Variants in NKAIN3 observed in about 807,000 individuals in gnomAD.
The protein encoded by NKAIN3 is sodium/potassium-transporting ATPase subunit beta-1-interacting protein 3.
In NKAIN3, 25 loss-of-function variants were observed where a neutral mutation model predicts 30.2. The ratio of observed to expected loss-of-function variants is 0.83; its 90% confidence interval spans 0.60 to 1.16. The LOEUF is 1.16. Ranked by LOEUF, NKAIN3 falls within the 50% of genes most tolerant of loss-of-function variation. The probability of loss-of-function intolerance (pLI) is 0.00; values close to 1 mark genes in which losing one functional copy is unlikely to be tolerated. For missense variants in NKAIN3, 225 were observed against 254.1 expected (o/e 0.89, Z 0.78); for synonymous variants, 91 against 89.6 (o/e 1.02, Z -0.09).
intron 4 of NKAIN3, among the ~76,000 whole-genome samples, chr8:62,912,109 G>T (rs1323700055): frequency 6.6e-6 from 1 of 152,140 alleles, no homozygotes; most frequent in African/African-American, 2.4e-5. Context: ...AACCTCTATA[G>T]CACTGTTACT....
intron 4 of NKAIN3, among the ~76,000 whole-genome samples, chr8:62,823,198 A>T (rs529463433): frequency 6.6e-6 from 1 of 152,276 alleles, no homozygotes; most frequent in African/African-American, 2.4e-5. Flanking sequence ...TAAAACAATA[A>T]GTAATTATAC....
intron 2 of NKAIN3, among the ~76,000 whole-genome samples, chr8:62,588,614 A>G (rs772610476): frequency 3.3e-5 from 5 of 151,850 alleles, no homozygotes; most frequent in Non-Finnish European, 7.4e-5. Context: ...TATTACACAG[A>G]GTCTAAATTT....
chr8:62,344,046 A>G (rs1815841316), intron 1 of NKAIN3, among the ~76,000 whole-genome samples: 1 of 152,060 alleles, frequency 6.6e-6, no homozygotes, highest in Non-Finnish European at 1.5e-5. Flanking sequence ...AAGGCATTTC[A>G]TCTTGACATG....
At chr8:62,514,868 A>T (rs1807932793) in intron 1 of NKAIN3, among the ~76,000 whole-genome samples, 1 of 152,164 alleles carries the variant, frequency 6.6e-6, no homozygotes, top group South Asian at 2.1e-4. Flanking sequence ...CACATCTTTG[A>T]AAACAATTCC....
At chr8:62,880,967 C>A (rs553413963) in intron 4 of NKAIN3, among the ~76,000 whole-genome samples, 91 of 152,280 alleles carry the variant, frequency 6.0e-4, no homozygotes, top group African/African-American at 2.1e-3. Flanking sequence ...TATCCCATAC[C>A]AAGGGGTTTA....
At chr8:62,423,371 C>A (rs1711948649) in intron 1 of NKAIN3, among the ~76,000 whole-genome samples, 2 of 151,004 alleles carry the variant, frequency 1.3e-5, no homozygotes, top group African/African-American at 4.8e-5. Flanking sequence ...TCATCTCCAG[C>A]AGCATGTGCC....
intron 3 of NKAIN3, among the ~76,000 whole-genome samples, chr8:62,689,832 AC>A (rs952129953): frequency 1.3e-5 from 2 of 152,072 alleles, no homozygotes; most frequent in Non-Finnish European, 2.9e-5. Flanking sequence ...AAAGAAATTG[AC>A]AAAGTCTCAG....
At chr8:62,786,153 A>G (rs956195503) in intron 4 of NKAIN3, among the ~76,000 whole-genome samples, 1 of 152,172 alleles carries the variant, frequency 6.6e-6, no homozygotes, top group Non-Finnish European at 1.5e-5. Context: ...CTACAAATGT[A>G]CATATAAAAA....
At chr8:62,640,312 A>G (rs368469308) in intron 3 of NKAIN3, among the ~76,000 whole-genome samples, 1 of 152,052 alleles carries the variant, frequency 6.6e-6, no homozygotes, top group African/African-American at 2.4e-5. Context: ...GTGAGTTCTC[A>G]TGAGATCTGA....
At position 62,553,901 on chromosome 8, in the gene NKAIN3, T is replaced by C. The variant is rs148500196; in HGVS notation, c.55-25638T>C. On this transcript the variant is annotated intron_variant, in intron 1 of 6. Coordinates refer to ENST00000623646, the MANE Select transcript of NKAIN3 (RefSeq NM_001304533.3). ...AATTTAATGATGGAAACTCAGACTT[T>C]AATCACTATTATAGGAGAGGATTTC... Among the ~76,000 whole-genome samples the C allele has an allele frequency of 2.0e-5, 3 of 152,302 alleles. No individual in the cohort carries two copies. The East Asian group carries it at 5.8e-4, about 29-fold the overall frequency.
intron 4 of NKAIN3, among the ~76,000 whole-genome samples, chr8:62,891,616 G>C (rs1467704952): frequency 1.3e-5 from 2 of 152,060 alleles, no homozygotes; most frequent in Non-Finnish European, 2.9e-5. Flanking sequence ...GAAAAATCGA[G>C]CCAGCTTGAC....
At chr8:62,720,345 C>G in intron 3 of NKAIN3, among the ~76,000 whole-genome samples, 1 of 152,154 alleles carries the variant, frequency 6.6e-6, no homozygotes, top group South Asian at 2.1e-4. Context: ...AATAAATATG[C>G]ATTGTGTGTG....
At position 62,595,109 on chromosome 8, in the gene NKAIN3, T is replaced by C. The variant is rs536510360; in HGVS notation, c.273+5315T>C. 3.9e-5 allele frequency among the ~76,000 whole-genome samples: 6 copies of C among 152,124 alleles called. No homozygotes were observed. The East Asian group carries it at 7.8e-4, about 20-fold the overall frequency. ...GATAATACTATAGAGAAAATTGACATACTGACTTTTTAAAAATTGGACTTA... is the reference window on the plus strand; with the variant it reads ...GATAATACTATAGAGAAAATTGACACACTGACTTTTTAAAAATTGGACTTA... On this transcript the variant is annotated intron_variant, in intron 3 of 6. Coordinates refer to ENST00000623646, the MANE Select transcript of NKAIN3 (RefSeq NM_001304533.3).
At chr8:62,668,427 AT>A (rs1813198893) in intron 3 of NKAIN3, among the ~76,000 whole-genome samples, 2 of 152,184 alleles carry the variant, frequency 1.3e-5, no homozygotes, top group African/African-American at 4.8e-5. Flanking sequence ...AGAGTAAATT[AT>A]TTTTTTGAAT....
At position 62,870,699 on chromosome 8, in the gene NKAIN3, A is replaced by C. The variant is rs538006401; in HGVS notation, c.472-47754A>C. ...TATATATCTATATCTCTCTATCTATATATCTATATATCTATATCTCTATAT... is the reference window on the plus strand; with the variant it reads ...TATATATCTATATCTCTCTATCTATCTATCTATATATCTATATCTCTATAT... On this transcript the variant is annotated intron_variant, in intron 4 of 6. Coordinates refer to ENST00000623646, the MANE Select transcript of NKAIN3 (RefSeq NM_001304533.3). Among the ~76,000 whole-genome samples, 106 of 139,104 alleles carry C rather than the reference A, an allele frequency of 7.6e-4. 2 individuals carry two copies. Among genetic ancestry groups the C allele is most frequent in the African/African-American group, 2.9e-3 (101 of 34,344 alleles). 91.3% of individuals were successfully genotyped at this position (139,104 alleles called of 152,430 possible). A position where few individuals can be genotyped will look rare whatever the true frequency, so the allele number is the denominator to read the frequency against.
chr8:62,411,513 C>G (rs1804236109), intron 1 of NKAIN3, among the ~76,000 whole-genome samples: 2 of 152,160 alleles, frequency 1.3e-5, no homozygotes, highest in Non-Finnish European at 2.9e-5. Flanking sequence ...GATGCCCACT[C>G]TCACCACTCT....
At chr8:62,357,195 C>T (rs1473464080) in intron 1 of NKAIN3, among the ~76,000 whole-genome samples, 4 of 152,044 alleles carry the variant, frequency 2.6e-5, no homozygotes, top group Non-Finnish European at 4.4e-5. Flanking sequence ...GAAACTGAGG[C>T]CAGGAGTTTG....
chr8:62,395,489 T>C (rs1011895919), intron 1 of NKAIN3, among the ~76,000 whole-genome samples: 1 of 152,198 alleles, frequency 6.6e-6, no homozygotes, highest in Non-Finnish European at 1.5e-5. Context: ...AACAAACAAA[T>C]TGAGAATCGT....
rs965495578 is a variant in NKAIN3, at chr8:62,968,734, C to T, written c.*3327C>T. 1.3e-5 allele frequency among the ~76,000 whole-genome samples: 2 copies of T among 152,134 alleles called. No homozygotes were observed. The highest frequency in any genetic ancestry group is 6.6e-5 in the Admixed American group (1 of 15,260). ...AACCTTGGCCAGCCCTTCCTCAGGC[C>T]GTGCCTTCTATCTTGTGTGAATGAT... is the stretch of plus-strand genomic sequence containing the variant. On this transcript the variant is annotated 3_prime_UTR_variant, in exon 7 of 7. Coordinates refer to ENST00000623646, the MANE Select transcript of NKAIN3 (RefSeq NM_001304533.3).
Sources: gnomAD v4.1 joint callset for allele counts (sites outside exome capture counted in the v4.1 genomes callset) on GRCh38, gnomAD v4.1.1 for gene constraint, MANE v1.5 for transcripts, NCBI Gene and HGNC (gene_info 2026-07-23, HGNC 2026-07-21) for gene names.